The following PPP2R2B variants were observed in gnomAD, a reference collection of about 807,000 sequenced individuals.
PPP2R2B encodes the protein protein phosphatase 2 regulatory subunit Bbeta.
A neutral mutation model predicts 46.0 loss-of-function variants in PPP2R2B; 5 were observed. The observed-to-expected ratio is 0.11, with a 90% confidence interval of 0.06 to 0.23. The LOEUF (loss-of-function observed/expected upper bound fraction) is 0.23. PPP2R2B is among the 10% of genes least tolerant of loss of function. The pLI is 1.00. For missense variants in PPP2R2B, 367 were observed against 575.0 expected, an observed-to-expected ratio of 0.64 and a Z score of 3.70; for synonymous variants, 215 against 206.7, an observed-to-expected ratio of 1.04 and a Z score of -0.34.
chr5:146,869,913 T>A (rs191232938), intron 2 of PPP2R2B, among the ~76,000 whole-genome samples: 42 of 151,098 alleles, frequency 2.8e-4, no homozygotes, highest in African/African-American at 9.8e-4. Context: ...CTGAGTTTCC[T>A]GTGTGGCTCT....
intron 9 of PPP2R2B, among the ~76,000 whole-genome samples, chr5:146,591,673 C>CAAAA (rs375880724): frequency 8.3e-5 from 6 of 72,576 alleles, no homozygotes; most frequent in African/African-American, 2.6e-4. Flanking sequence ...GATTATTTTC[C>CAAAA]AAAAAAAAAA....
At chr5:146,813,153 G>A (rs1757732191) in intron 2 of PPP2R2B, among the ~76,000 whole-genome samples, 1 of 151,154 alleles carries the variant, frequency 6.6e-6, no homozygotes, top group South Asian at 2.1e-4. Flanking sequence ...GTATATATAT[G>A]TATATATGCT....
intron 2 of PPP2R2B, among the ~76,000 whole-genome samples, chr5:146,752,914 A>T (rs1298106580): frequency 6.6e-6 from 1 of 152,222 alleles, no homozygotes; most frequent in Non-Finnish European, 1.5e-5. Context: ...TGGGGATCTG[A>T]TCACTTCGGG....
At chr5:146,724,802 T>C (rs187649035) in intron 2 of PPP2R2B, among the ~76,000 whole-genome samples, 119 of 152,280 alleles carry the variant, frequency 7.8e-4, no homozygotes, top group Non-Finnish European at 1.4e-3. Flanking sequence ...GGGAGTTACA[T>C]GCAAACACAT....
chr5:146,905,174 G>A (rs1343407676), intron 1 of PPP2R2B, among the ~76,000 whole-genome samples: 2 of 152,184 alleles, frequency 1.3e-5, no homozygotes, highest in African/African-American at 4.8e-5. Context: ...GGAGCAATTG[G>A]GACTCTCATA....
At chr5:146,821,900 C>A (rs569752583) in intron 2 of PPP2R2B, among the ~76,000 whole-genome samples, 2 of 152,194 alleles carry the variant, frequency 1.3e-5, no homozygotes, top group African/African-American at 4.8e-5. Context: ...AGCAAAGGAA[C>A]TACTAATATT....
At chr5:146,768,412 T>TG (rs984014743) in intron 2 of PPP2R2B, among the ~76,000 whole-genome samples, 3 of 152,134 alleles carry the variant, frequency 2.0e-5, no homozygotes, top group African/African-American at 7.2e-5. Context: ...AAGAAATTCC[T>TG]GGGGGTGAAA....
chr5:146,594,485 C>T (rs149268603), intron 8 of PPP2R2B, among the ~76,000 whole-genome samples: 181 of 152,296 alleles, frequency 1.2e-3, no homozygotes, highest in African/African-American at 4.0e-3. Flanking sequence ...CCCACTAGCA[C>T]GGAGTGGCAA....
intron 7 of PPP2R2B, among the ~76,000 whole-genome samples, chr5:146,605,933 T>C (rs1235842322): frequency 1.3e-5 from 2 of 152,188 alleles, no homozygotes; most frequent in Non-Finnish European, 2.9e-5. Flanking sequence ...TGTACAGATA[T>C]GAATAGATCT....
At chr5:147,068,956 CAATA>C (rs1757493368) in intron 2 of PPP2R2B, among the ~76,000 whole-genome samples, 2 of 152,048 alleles carry the variant, frequency 1.3e-5, no homozygotes, top group Admixed American at 6.6e-5. Context: ...ACTCATGAAA[CAATA>C]GATGATAATG....
chr5:146,701,848 C>T (rs1779559133), intron 2 of PPP2R2B, among the ~76,000 whole-genome samples: 1 of 152,146 alleles, frequency 6.6e-6, no homozygotes, highest in East Asian at 1.9e-4. Flanking sequence ...GCACAGGCAC[C>T]AGGAACTCAG....
intron 7 of PPP2R2B, among the ~76,000 whole-genome samples, chr5:146,601,384 C>T (rs913451863): frequency 3.3e-5 from 5 of 152,040 alleles, no homozygotes; most frequent in African/African-American, 1.2e-4. Context: ...ATCACTTAAA[C>T]CCAAGATTTC....
rs553777480 is a variant in PPP2R2B, at chr5:147,047,322, G to A, written c.79+8343C>T. 5.9e-5 allele frequency among the ~76,000 whole-genome samples: 9 copies of A among 152,130 alleles called. 1 individual carries two copies. The South Asian group carries it at 1.7e-3, about 28-fold the overall frequency. On this transcript the variant is annotated intron_variant, in intron 1 of 8. Transcript: ENST00000336640. ...ATTAAACATTTCTAACACAAAGAGA[G>A]GATAAGTGTTTGAGATGATGAATAT... is the stretch of plus-strand genomic sequence containing the variant.
chr5:146,651,086 A>G (rs901671933), intron 5 of PPP2R2B, among the ~76,000 whole-genome samples: 1 of 152,198 alleles, frequency 6.6e-6, no homozygotes, highest in Non-Finnish European at 1.5e-5. Flanking sequence ...TCTATTTAAA[A>G]AAGGGAGTTG....
chr5:147,007,698 A>G (rs1193574627), intron 1 of PPP2R2B, among the ~76,000 whole-genome samples: 1 of 152,224 alleles, frequency 6.6e-6, no homozygotes, highest in Non-Finnish European at 1.5e-5. Flanking sequence ...TCCTGAAGTC[A>G]GCAAGATGAT....
At position 146,698,122 on chromosome 5, in the gene PPP2R2B, C is replaced by A; in HGVS notation, c.191G>T (p.Arg64Met). Residue 64 changes from arginine (R) to methionine (M), a missense_variant, in exon 4 of 10, where the codon AGG (arginine) becomes ATG (methionine). By Grantham distance (91) the Arg-to-Met change is moderately conservative (BLOSUM62 -1). This residue lies in a region of PPP2R2B where 361 missense variants were observed against 545.5 expected (regional missense o/e 0.66). Coordinates refer to ENST00000394411, the MANE Select transcript of PPP2R2B (RefSeq NM_181675.4). ...EQESKNQVHR[R>M]GEYNVYSTFQ... ...TGTGCTGTAAACATTGTATTCACCC[C>A]TACGATGAACCTGATTTTTACTCTG... 6.3e-7 allele frequency: 1 copy of A among 1,598,454 alleles called. No homozygotes were observed. Among genetic ancestry groups the A allele is most frequent in the Non-Finnish European group, 8.5e-7 (1 of 1,174,708 alleles).
chr5:146,615,412 T>A (rs1304286716), intron 7 of PPP2R2B, among the ~76,000 whole-genome samples: 1 of 106,508 alleles, frequency 9.4e-6, no homozygotes. Context: ...AGATGACACG[T>A]TAGTGGGTGC....
chr5:146,617,691 T>G (rs997434398), intron 7 of PPP2R2B, among the ~76,000 whole-genome samples: 9 of 147,318 alleles, frequency 6.1e-5, no homozygotes, highest in Admixed American at 4.7e-4. Context: ...TCTCTCTCTC[T>G]CTCTCTCTTT....
At chr5:147,035,221 G>A (rs565707182) in intron 1 of PPP2R2B, 18 of 433,452 alleles carry the variant, frequency 4.2e-5, no homozygotes, top group South Asian at 1.0e-4. Context: ...GGCAGAAGGC[G>A]AAGGGGAAGC....
Sources: gnomAD v4.1 joint callset for allele counts (sites outside exome capture counted in the v4.1 genomes callset) on GRCh38, gnomAD v4.1.1 for gene constraint, gnomAD v4.1.1 regional missense constraint, MANE v1.5 for transcripts, NCBI Gene and HGNC (gene_info 2026-07-23, HGNC 2026-07-21) for gene names.